The following ZC3H7B variants were observed in gnomAD, a reference collection of about 807,000 sequenced individuals.
ZC3H7B encodes zinc finger CCCH domain-containing protein 7B.
In ZC3H7B, 35 loss-of-function variants were observed where a neutral mutation model predicts 116.0. That is an observed-to-expected ratio of 0.30 (90% confidence interval 0.23 to 0.40). The LOEUF is 0.40. Ranked by LOEUF, ZC3H7B falls within the 10% of genes least tolerant of loss-of-function variation. The pLI, the probability that ZC3H7B is intolerant of heterozygous loss-of-function variation, is 1.00. For missense variants in ZC3H7B, 1,011 were observed against 1,321.5 expected (o/e 0.77, Z 3.64); for synonymous variants, 502 against 545.6 (o/e 0.92, Z 1.11).
intron 4 of ZC3H7B, among the ~76,000 whole-genome samples, chr22:41,326,496 C>T (rs1388494888): frequency 6.6e-6 from 1 of 151,872 alleles, no homozygotes; most frequent in Non-Finnish European, 1.5e-5. Flanking sequence ...ATAGTCTCAG[C>T]CTCCTCACTG....
intron 1 of ZC3H7B, among the ~76,000 whole-genome samples, chr22:41,303,409 T>C (rs2035999848): frequency 6.6e-6 from 1 of 152,188 alleles, no homozygotes; most frequent in Non-Finnish European, 1.5e-5. Flanking sequence ...GCTTAGAAGC[T>C]TGGTGGGATG....
At chr22:41,319,664 G>A (rs533403569) in intron 1 of ZC3H7B, among the ~76,000 whole-genome samples, 11 of 151,210 alleles carry the variant, frequency 7.3e-5, no homozygotes, top group Admixed American at 5.9e-4. Context: ...TCTTAATTGC[G>A]TGTATCCTTC....
chr22:41,355,383 C>T, intron 17 of ZC3H7B, 86 bp from the exon 18 acceptor site: 1 of 1,551,178 alleles, frequency 6.4e-7, no homozygotes, highest in South Asian at 1.2e-5. Context: ...TTCCAAGGCT[C>T]TCCCAGAGGA....
At chr22:41,320,194 A>G (rs2036236632) in intron 1 of ZC3H7B, among the ~76,000 whole-genome samples, 2 of 151,018 alleles carry the variant, frequency 1.3e-5, no homozygotes, top group African/African-American at 4.9e-5. Flanking sequence ...TTAGCTGGGC[A>G]TGATGGTGGG....
At chr22:41,322,530 A>G (rs1228971120) in intron 2 of ZC3H7B, among the ~76,000 whole-genome samples, 1 of 152,020 alleles carries the variant, frequency 6.6e-6, no homozygotes, top group Admixed American at 6.6e-5. Context: ...TACACACAAA[A>G]TATTTTGAGT....
chr22:41,317,414 C>T (rs978467904), intron 1 of ZC3H7B, among the ~76,000 whole-genome samples: 1 of 152,148 alleles, frequency 6.6e-6, no homozygotes, highest in Non-Finnish European at 1.5e-5. Flanking sequence ...CTTATGGGCC[C>T]TGTCTCCAAA....
chr22:41,312,238 G>A (rs1044569496), intron 1 of ZC3H7B, among the ~76,000 whole-genome samples: 3 of 151,934 alleles, frequency 2.0e-5, no homozygotes, highest in African/African-American at 4.8e-5. Context: ...AGGCTGAGGC[G>A]GGCAGATCAC....
At position 41,327,062 on chromosome 22, in the gene ZC3H7B, C is replaced by T. The variant is rs1489223137; in HGVS notation, c.286-144C>T. On this transcript the variant is annotated intron_variant, in intron 4 of 22. Transcript: ENST00000352645. This position sits in a 1 kb window ranked among gnomAD's most constrained non-coding sequence, Gnocchi z 4.5. ...AGTGCTTCCTTCTCTCCTGGAGCCTCGAGCCCTGTCCCTGACCCAAGACTT... is the reference window on the plus strand; with the variant it reads ...AGTGCTTCCTTCTCTCCTGGAGCCTTGAGCCCTGTCCCTGACCCAAGACTT... 35 of 1,183,204 alleles carry T rather than the reference C, an allele frequency of 3.0e-5. No individual in the cohort carries two copies. The highest frequency in any genetic ancestry group is 4.6e-5 in the South Asian group (3 of 64,984). 73.3% of individuals were successfully genotyped at this position (1,183,204 alleles called of 1,614,324 possible).
rs918662430 is a variant in ZC3H7B at position 41,349,643 on chromosome 22, G to A, written c.1948+342G>A. The stretch of plus-strand genomic sequence containing the variant: ...CCTGGGTGGTCGGCAGCAAGTCCCC[G>A]CTCCTCACTGAGCCTCCAGTGCTCA... On this transcript the variant is annotated intron_variant, in intron 16 of 22. Transcript: ENST00000352645. The surrounding 1 kb of genome is among the most constrained non-coding windows in gnomAD (Gnocchi z 4.9). Among the ~76,000 whole-genome samples, 5 of 152,118 alleles carry A rather than the reference G, an allele frequency of 3.3e-5. No homozygotes were observed. The highest frequency in any genetic ancestry group is 1.9e-4 in the East Asian group (1 of 5,186).
intron 15 of ZC3H7B, 121 bp downstream of exon 15, chr22:41,348,288 C>T (rs1432063882): frequency 2.3e-5 from 19 of 815,376 alleles, no homozygotes; most frequent in Non-Finnish European, 3.8e-5. Flanking sequence ...AGGAAAGGGG[C>T]AGAATTTGGG....
chr22:41,327,578 C>T lies in ZC3H7B; in HGVS notation c.444+214C>T, dbSNP rs186798530. ...AGGATGCATTGTGTGTATTAACTCA[C>T]CTAATACTGGCAATAACCCTAAGAG... On this transcript the variant is annotated intron_variant, in intron 5 of 22. Transcript: ENST00000352645. This position sits in a 1 kb window ranked among gnomAD's most constrained non-coding sequence, Gnocchi z 4.5. Among the ~76,000 whole-genome samples the T allele has an allele frequency of 1.6e-3, 237 of 152,364 alleles. 1 individual carries two copies. Among genetic ancestry groups the T allele is most frequent in the Non-Finnish European group, 2.1e-3 (146 of 68,040 alleles).
At position 41,342,537 on chromosome 22, in the gene ZC3H7B, C is replaced by G; in HGVS notation, c.1206C>G (p.Pro402=). Residue 402 remains proline (P), a synonymous_variant, in exon 12 of 23, where the codon CCC becomes CCG. Transcript: ENST00000352645. ...GAQKPAPSPE[P]CMPNTALLIK... is the part of the protein sequence containing the mutation. Reference sequence around the variant, plus strand: ...CCTTCCTCCTGTCACAGCCAGAGCCCTGCATGCCCAACACTGCCTTGCTCA... The same window carrying G: ...CCTTCCTCCTGTCACAGCCAGAGCCGTGCATGCCCAACACTGCCTTGCTCA... 1 of 1,613,192 alleles carries G rather than the reference C, an allele frequency of 6.2e-7. No homozygotes were observed.
At chr22:41,344,489 TC>T (rs887578992) in intron 13 of ZC3H7B, among the ~76,000 whole-genome samples, 5 of 152,174 alleles carry the variant, frequency 3.3e-5, no homozygotes, top group Admixed American at 2.0e-4. Context: ...CCTGATTCCG[TC>T]ACACACGCTG....
intron 1 of ZC3H7B, among the ~76,000 whole-genome samples, chr22:41,312,328 C>T (rs2036129471): frequency 6.6e-6 from 1 of 151,694 alleles, no homozygotes; most frequent in South Asian, 2.1e-4. Context: ...ATTAGCTGGG[C>T]ATGATGGCAC....
intron 1 of ZC3H7B, among the ~76,000 whole-genome samples, chr22:41,318,664 C>T (rs1459585894): frequency 6.6e-6 from 1 of 151,148 alleles, no homozygotes; most frequent in African/African-American, 2.4e-5. Context: ...TGGGAGGATC[C>T]CTTGAGCCCA....
chr22:41,327,831 G>A lies in ZC3H7B; in HGVS notation c.444+467G>A, dbSNP rs1428232953. On this transcript the variant is annotated intron_variant, in intron 5 of 22. Transcript: ENST00000352645. The surrounding 1 kb of genome is among the most constrained non-coding windows in gnomAD (Gnocchi z 4.5). ...CTAATTCTGTTTAGTTCACAATTAAGACCCTTTCTTGGCCAGACACAGTGG... is the reference window on the plus strand; with the variant it reads ...CTAATTCTGTTTAGTTCACAATTAAAACCCTTTCTTGGCCAGACACAGTGG... Among the ~76,000 whole-genome samples, 1 of 151,564 alleles carries A rather than the reference G, an allele frequency of 6.6e-6. No individual in the cohort carries two copies. The highest frequency in any genetic ancestry group is 2.4e-5 in the African/African-American group (1 of 41,134).
intron 4 of ZC3H7B, 46 bp downstream of exon 4, chr22:41,325,964 C>A (rs1265700711): frequency 6.4e-7 from 1 of 1,555,878 alleles, no homozygotes; most frequent in South Asian, 1.2e-5. Flanking sequence ...TGCCCTGATC[C>A]CCTGGATGCC....
At position 41,338,201 on chromosome 22, in the gene ZC3H7B, A is replaced by G. The variant is rs993225079; in HGVS notation, c.583-112A>G. The G allele has an allele frequency of 2.6e-6, 3 of 1,146,060 alleles. No individual in the cohort carries two copies. The highest frequency in any genetic ancestry group is 1.5e-5 in the African/African-American group (1 of 64,754). The allele number at this position is 1,146,060 out of a possible 1,614,324, so 71.0% of individuals were successfully genotyped here. A position where few individuals can be genotyped will look rare whatever the true frequency, so the allele number is the denominator to read the frequency against. ...GGGCTTTAATCTCCCCTGGCACTCTAAGTGCTCCTCGGTGCTGGGTCAACA... is the reference window on the plus strand; with the variant it reads ...GGGCTTTAATCTCCCCTGGCACTCTGAGTGCTCCTCGGTGCTGGGTCAACA... On this transcript the variant is annotated intron_variant, in intron 7 of 22. Transcript: ENST00000352645. This position sits in a 1 kb window ranked among gnomAD's most constrained non-coding sequence, Gnocchi z 4.5.
At position 41,351,732 on chromosome 22, in the gene ZC3H7B, A is replaced by G. The variant is rs2036656743; in HGVS notation, c.2034+86A>G. On this transcript the variant is annotated intron_variant, in intron 17 of 22. Coordinates refer to ENST00000352645, the MANE Select transcript of ZC3H7B (RefSeq NM_017590.6). The surrounding 1 kb of genome is among the most constrained non-coding windows in gnomAD (Gnocchi z 5.1). ...CAGGAAGGCTCTAATTTTACAATAG[A>G]GAAATGTTTACAATGGAGGCACCTC... 4 of 1,369,198 alleles carry G rather than the reference A, an allele frequency of 2.9e-6. No individual in the cohort carries two copies. Among genetic ancestry groups the G allele is most frequent in the African/African-American group, 1.4e-5 (1 of 69,202 alleles). 84.8% of individuals were successfully genotyped at this position (1,369,198 alleles called of 1,614,324 possible). A position where few individuals can be genotyped will look rare whatever the true frequency, so the allele number is the denominator to read the frequency against.
Sources: gnomAD v4.1 joint callset for allele counts (sites outside exome capture counted in the v4.1 genomes callset) on GRCh38, gnomAD v4.1.1 for gene constraint, Gnocchi (gnomAD v3.1) non-coding constraint, MANE v1.5 for transcripts, NCBI Gene and HGNC (gene_info 2026-07-23, HGNC 2026-07-21) for gene names.